WDR89: variants seen among roughly 807,000 people sequenced by gnomAD.
WDR89 encodes WD repeat domain 89.
In WDR89, 17 loss-of-function variants were observed where a neutral mutation model predicts 29.1. That is an observed-to-expected ratio of 0.58 (90% CI 0.40 to 0.88). The LOEUF (loss-of-function observed/expected upper bound fraction) is 0.88, where lower values mean the gene tolerates loss of function less well. WDR89 is among the 40% of genes least tolerant of loss of function. WDR89 has a pLI of 0.00. For synonymous variants in WDR89, 138 were observed against 157.8 expected, an observed-to-expected ratio of 0.87 and a Z score of 0.94; for missense variants, 396 against 456.3, an observed-to-expected ratio of 0.87 and a Z score of 1.20.
At chr14:63,611,914 G>C (rs1882016299) in intron 2 of WDR89, among the ~76,000 whole-genome samples, 1 of 151,892 alleles carries the variant, frequency 6.6e-6, no homozygotes, top group Non-Finnish European at 1.5e-5. Flanking sequence ...TTTTAGTAGA[G>C]ATGGGGTTTC....
At chr14:63,615,490 A>C (rs1311427907) in intron 2 of WDR89, among the ~76,000 whole-genome samples, 1 of 152,266 alleles carries the variant, frequency 6.6e-6, no homozygotes, top group East Asian at 1.9e-4. Context: ...AGGAAAAACA[A>C]AAAGAACCAT....
chr14:63,613,022 G>A (rs1882085120), intron 2 of WDR89, among the ~76,000 whole-genome samples: 1 of 152,172 alleles, frequency 6.6e-6, no homozygotes. Flanking sequence ...GTTTTTGCCA[G>A]TGGAAGCAAT....
intron 1 of WDR89, among the ~76,000 whole-genome samples, chr14:63,631,735 G>C (rs973891269): frequency 6.6e-6 from 1 of 152,162 alleles, no homozygotes; most frequent in Non-Finnish European, 1.5e-5. Context: ...GCACTGACTC[G>C]ATTTGGAAGC....
intron 2 of WDR89, among the ~76,000 whole-genome samples, chr14:63,605,384 T>G (rs1336994439): frequency 6.6e-6 from 1 of 152,044 alleles, no homozygotes; most frequent in Admixed American, 6.6e-5. Flanking sequence ...TACAATTATG[T>G]ACAGTACATA....
chr14:63,628,964 G>A (rs1423141164), intron 1 of WDR89, among the ~76,000 whole-genome samples: 1 of 151,774 alleles, frequency 6.6e-6, no homozygotes, highest in Admixed American at 6.6e-5. Context: ...AACAAAAAAC[G>A]ATGTTTGCCT....
intron 2 of WDR89, among the ~76,000 whole-genome samples, chr14:63,616,752 T>C (rs994889141): frequency 6.6e-6 from 1 of 152,084 alleles, no homozygotes; most frequent in Non-Finnish European, 1.5e-5. Context: ...TATTCTCAAG[T>C]GAGAAAGAAA....
Position 63,598,655 on chromosome 14 carries a change from T to C in WDR89, c.*124A>G. 1 of 853,820 alleles carries C rather than the reference T, an allele frequency of 1.2e-6. No individual in the cohort carries two copies. Among genetic ancestry groups the C allele is most frequent in the Non-Finnish European group, 1.7e-6 (1 of 602,186 alleles). 52.9% of individuals were successfully genotyped at this position (853,820 alleles called of 1,614,324 possible). A position where few individuals can be genotyped will look rare whatever the true frequency, so the allele number is the denominator to read the frequency against. On this transcript the variant is annotated 3_prime_UTR_variant, in exon 3 of 3. Coordinates refer to ENST00000620954, the MANE Select transcript of WDR89 (RefSeq NM_080666.4). ...GAATTAAACCATTCTCACCATATTT[T>C]TCCAGGACTGTTTGCTAACTGGCTT...
chr14:63,621,892 G>A (rs1882716083), intron 2 of WDR89: 1 of 152,084 alleles, frequency 6.6e-6, no homozygotes, highest in African/African-American at 2.4e-5. Flanking sequence ...CAAGAAATAC[G>A]ATCAGAAAAA....
At chr14:63,628,404 C>CG (rs756575147) in intron 1 of WDR89, among the ~76,000 whole-genome samples, 1 of 152,150 alleles carries the variant, frequency 6.6e-6, no homozygotes, top group Non-Finnish European at 1.5e-5. Context: ...ATTCATTCAT[C>CG]ATTTCAACTC....
intron 1 of WDR89, among the ~76,000 whole-genome samples, chr14:63,637,417 T>A (rs954441277): frequency 2.4e-4 from 36 of 152,286 alleles, no homozygotes; most frequent in African/African-American, 8.4e-4. Context: ...TACTGGGTTA[T>A]CTACCCAGAG....
At chr14:63,629,786 C>T (rs546602371) in intron 1 of WDR89, among the ~76,000 whole-genome samples, 1 of 152,228 alleles carries the variant, frequency 6.6e-6, no homozygotes, top group South Asian at 2.1e-4. Context: ...TTTCTTCTCA[C>T]AGAACCAATT....
chr14:63,638,480 T>C (rs1005910082), intron 1 of WDR89, among the ~76,000 whole-genome samples: 3 of 152,160 alleles, frequency 2.0e-5, no homozygotes, highest in Admixed American at 6.5e-5. Flanking sequence ...GTCTTTTCTC[T>C]AGAACAGCAA....
At chr14:63,619,302 A>C (rs986938772) in intron 2 of WDR89, among the ~76,000 whole-genome samples, 24 of 152,264 alleles carry the variant, frequency 1.6e-4, no homozygotes, top group African/African-American at 5.8e-4. Flanking sequence ...ACCAAAACCC[A>C]AACCAGGCTA....
At chr14:63,614,288 C>G (rs1882169668) in intron 2 of WDR89, among the ~76,000 whole-genome samples, 1 of 151,654 alleles carries the variant, frequency 6.6e-6, no homozygotes, top group Admixed American at 6.6e-5. Flanking sequence ...ATTTATCAGG[C>G]ATATCCTTTC....
intron 2 of WDR89, among the ~76,000 whole-genome samples, chr14:63,604,708 A>C (rs1213218964): frequency 6.6e-6 from 1 of 152,214 alleles, no homozygotes; most frequent in East Asian, 1.9e-4. Flanking sequence ...TGGTGAACTT[A>C]TTACCTAACT....
intron 2 of WDR89, among the ~76,000 whole-genome samples, chr14:63,614,688 A>C (rs1315046681): frequency 6.6e-6 from 1 of 152,242 alleles, no homozygotes; most frequent in Non-Finnish European, 1.5e-5. Flanking sequence ...GAAAACATTT[A>C]TAATTTAGAG....
chr14:63,603,036 G>A (rs543232537), intron 2 of WDR89, among the ~76,000 whole-genome samples: 11 of 152,048 alleles, frequency 7.2e-5, no homozygotes, highest in Non-Finnish European at 1.5e-4. Flanking sequence ...GATTACAGGC[G>A]TGAGCCACCA....
chr14:63,633,402 A>T (rs755209046), intron 1 of WDR89, among the ~76,000 whole-genome samples: 2 of 152,286 alleles, frequency 1.3e-5, no homozygotes, highest in Non-Finnish European at 2.9e-5. Flanking sequence ...TAGATGAAAT[A>T]AGATTAAGCC....
At chr14:63,606,009 T>C (rs941737886) in intron 2 of WDR89, among the ~76,000 whole-genome samples, 1 of 145,942 alleles carries the variant, frequency 6.9e-6, no homozygotes. Context: ...TTTTTTCTTC[T>C]TTTTTTTTTT....
Sources: gnomAD v4.1 joint callset for allele counts (sites outside exome capture counted in the v4.1 genomes callset) on GRCh38, gnomAD v4.1.1 for gene constraint, MANE v1.5 for transcripts, NCBI Gene and HGNC (gene_info 2026-07-23, HGNC 2026-07-21) for gene names.